The following TIMM23 variants were observed in gnomAD, a reference collection of about 807,000 sequenced individuals.
TIMM23 encodes translocase of inner mitochondrial membrane 23, also known as mitochondrial import inner membrane translocase subunit Tim23.
TIMM23 carries 19 observed loss-of-function variants against 30.7 expected under a neutral mutation model. That is an observed-to-expected ratio of 0.62 (90% CI 0.43 to 0.91). TIMM23 has a LOEUF of 0.91. TIMM23 is among the 40% of genes least tolerant of loss of function. The pLI, the probability that TIMM23 is intolerant of heterozygous loss-of-function variation, is 0.00. For synonymous variants in TIMM23, 78 were observed against 98.5 expected, an observed-to-expected ratio of 0.79 and a Z score of 1.23; for missense variants, 202 against 269.2, an observed-to-expected ratio of 0.75 and a Z score of 1.75.
At chr10:45,993,827 AATGAGATGAC>A (rs1359299537) in intron 6 of TIMM23, among the ~76,000 whole-genome samples, 13 of 152,112 alleles carry the variant, frequency 8.5e-5, no homozygotes, top group Middle Eastern at 3.4e-3. Context: ...CTCGAAATGA[AATGAGATGAC>A]ATGAGATGAA....
chr10:45,998,730 T>C (rs1838421321), intron 6 of TIMM23, among the ~76,000 whole-genome samples: 1 of 152,196 alleles, frequency 6.6e-6, no homozygotes, highest in Non-Finnish European at 1.5e-5. Flanking sequence ...TTTTAAGAAG[T>C]AACTTCATCG....
chr10:46,000,117 C>T (rs782593088), intron 6 of TIMM23, among the ~76,000 whole-genome samples: 1 of 152,084 alleles, frequency 6.6e-6, no homozygotes, highest in Non-Finnish European at 1.5e-5. Context: ...GTGCGGTTAA[C>T]GCAATTATCA....
intron 6 of TIMM23, among the ~76,000 whole-genome samples, chr10:45,999,626 G>A (rs1221842405): frequency 2.0e-5 from 3 of 152,192 alleles, no homozygotes; most frequent in Non-Finnish European, 2.9e-5. Context: ...GGCAGGGCGA[G>A]ATCATAGGAC....
intron 2 of TIMM23, among the ~76,000 whole-genome samples, chr10:45,979,235 C>T (rs1837767381): frequency 6.6e-6 from 1 of 152,182 alleles, no homozygotes; most frequent in Non-Finnish European, 1.5e-5. Context: ...TACTAAAAAC[C>T]ACTGAATTGT....
chr10:45,978,934 C>A (rs1406288827), intron 2 of TIMM23, among the ~76,000 whole-genome samples: 2 of 152,098 alleles, frequency 1.3e-5, no homozygotes, highest in Non-Finnish European at 2.9e-5. Context: ...CATATCCATA[C>A]AATGGAATAT....
chr10:46,002,217 C>T (rs1838563446), intron 6 of TIMM23: 1 of 151,912 alleles, frequency 6.6e-6, no homozygotes, highest in African/African-American at 2.4e-5. Context: ...ACTCTGTCAC[C>T]CAGGCTGGAG....
Position 45,994,592 on chromosome 10 carries a change from A to G in TIMM23, c.514+5745A>G, listed in dbSNP as rs1474529895. 3.4e-3 allele frequency among the ~76,000 whole-genome samples: 408 copies of G among 118,890 alleles called. 5 individuals carry two copies. Among genetic ancestry groups the G allele is most frequent in the African/African-American group, 0.013 (387 of 30,046 alleles). The allele number at this position is 118,890 out of a possible 152,430, so 78.0% of individuals were successfully genotyped here. A position where few individuals can be genotyped will look rare whatever the true frequency, so the allele number is the denominator to read the frequency against. On this transcript the variant is annotated intron_variant, in intron 6 of 6. Coordinates refer to ENST00000580018, the MANE Select transcript of TIMM23 (RefSeq NM_006327.4). Reference sequence around the variant, plus strand: ...GATGCTAGGACTACAGGCACACGCCACCATGCCTGGCTAATTTTTTTGTGT... The same window carrying G: ...GATGCTAGGACTACAGGCACACGCCGCCATGCCTGGCTAATTTTTTTGTGT...
chr10:45,991,947 C>G (rs1838175940), intron 6 of TIMM23, among the ~76,000 whole-genome samples: 3 of 151,648 alleles, frequency 2.0e-5, no homozygotes, highest in South Asian at 2.1e-4. Flanking sequence ...CCAGGCAAGA[C>G]TAAACTCACT....
chr10:45,979,399 C>T (rs1389525469), intron 2 of TIMM23, among the ~76,000 whole-genome samples: 16 of 152,092 alleles, frequency 1.1e-4, no homozygotes, highest in Non-Finnish European at 2.4e-4. Context: ...TAGGCTCAAG[C>T]GGTCCTTCTG....
At chr10:46,002,484 G>A (rs1431453516) in intron 6 of TIMM23, 3 of 984,472 alleles carry the variant, frequency 3.0e-6, no homozygotes, top group African/African-American at 1.8e-5. Flanking sequence ...TAATCTTCAA[G>A]GTTAATATTT....
At chr10:45,972,935 C>T (rs1240366710) in intron 1 of TIMM23, among the ~76,000 whole-genome samples, 1 of 152,158 alleles carries the variant, frequency 6.6e-6, no homozygotes, top group Non-Finnish European at 1.5e-5. Context: ...CCTGGGGAAG[C>T]TGTCCGTGAT....
intron 6 of TIMM23, among the ~76,000 whole-genome samples, chr10:45,998,163 C>G (rs1305514991): frequency 2.0e-5 from 3 of 152,262 alleles, no homozygotes; most frequent in Non-Finnish European, 4.4e-5. Context: ...TAACAATAGC[C>G]TTTGACCCTC....
chr10:45,988,876 C>A (rs1297493238), intron 6 of TIMM23, 29 bp downstream of exon 6: 35 of 1,605,818 alleles, frequency 2.2e-5, no homozygotes, highest in Non-Finnish European at 2.8e-5. Context: ...GGAGCCATCT[C>A]TTAATACACT....
chr10:45,979,359 G>A (rs1837773846), intron 2 of TIMM23, among the ~76,000 whole-genome samples: 1 of 152,162 alleles, frequency 6.6e-6, no homozygotes, highest in Admixed American at 6.5e-5. Flanking sequence ...TGCAGTAGCA[G>A]CATCATAGCT....
At chr10:45,985,545 T>C in intron 5 of TIMM23, 104 bp downstream of exon 5, 10 of 1,380,520 alleles carry the variant, frequency 7.2e-6, no homozygotes, top group Middle Eastern at 1.8e-4. Flanking sequence ...ATGAGACAAT[T>C]ATGTTTAAAC....
chr10:45,990,351 G>C (rs1276654474), intron 6 of TIMM23, among the ~76,000 whole-genome samples: 1 of 151,980 alleles, frequency 6.6e-6, no homozygotes, highest in Non-Finnish European at 1.5e-5. Flanking sequence ...TCAAACTCCT[G>C]ACCTCAGGTG....
chr10:45,998,212 G>A, intron 6 of TIMM23: 1 of 227,190 alleles, frequency 4.4e-6, no homozygotes, highest in East Asian at 1.8e-4. Flanking sequence ...TTTTAAAAAA[G>A]ATACATGTTA....
At chr10:45,996,216 T>G (rs1363720310) in intron 6 of TIMM23, among the ~76,000 whole-genome samples, 3 of 142,896 alleles carry the variant, frequency 2.1e-5, no homozygotes, top group African/African-American at 8.5e-5. Context: ...AAAAACATTA[T>G]CCGGGCATGG....
intron 2 of TIMM23, among the ~76,000 whole-genome samples, chr10:45,977,770 A>T (rs1590111175): frequency 1.3e-5 from 2 of 152,172 alleles, no homozygotes; most frequent in East Asian, 3.9e-4. Flanking sequence ...AGTGGCTCAT[A>T]CCTGTAATCC....
Sources: gnomAD v4.1 joint callset for allele counts (sites outside exome capture counted in the v4.1 genomes callset) on GRCh38, gnomAD v4.1.1 for gene constraint, MANE v1.5 for transcripts, NCBI Gene and HGNC (gene_info 2026-07-23, HGNC 2026-07-21) for gene names.